Variants in RARB observed in about 807,000 individuals in gnomAD.
RARB encodes the protein HBV-activated protein.
RARB carries 17 observed loss-of-function variants against 51.9 expected under a neutral mutation model. The ratio of observed to expected loss-of-function variants is 0.33; its 90% CI spans 0.22 to 0.49. The LOEUF (loss-of-function observed/expected upper bound fraction) is 0.49. Ranked by LOEUF, RARB falls within the 20% of genes least tolerant of loss-of-function variation. The probability of loss-of-function intolerance (pLI) is 0.99; values close to 1 mark genes in which losing one functional copy is unlikely to be tolerated. For missense variants in RARB, 369 were observed against 550.8 expected, an observed-to-expected ratio of 0.67 and a Z score of 3.30; for synonymous variants, 215 against 195.4, an observed-to-expected ratio of 1.10 and a Z score of -0.84.
chr3:25,147,405 T>C (rs996327903), intron 4 of RARB, among the ~76,000 whole-genome samples: 1 of 152,208 alleles, frequency 6.6e-6, no homozygotes, highest in South Asian at 2.1e-4. Context: ...GGGTGCCCTA[T>C]ACTGCTTAAC....
intron 1 of RARB, among the ~76,000 whole-genome samples, chr3:24,847,499 C>T (rs961067739): frequency 1.6e-4 from 25 of 152,140 alleles, no homozygotes; most frequent in Admixed American, 1.2e-3. Context: ...CAAAGTAAAC[C>T]GTAAACAGTG....
At chr3:25,165,122 A>T (rs1700538653) in intron 4 of RARB, among the ~76,000 whole-genome samples, 1 of 152,170 alleles carries the variant, frequency 6.6e-6, no homozygotes, top group African/African-American at 2.4e-5. Flanking sequence ...AAAAAATACA[A>T]ACCAGTTTCA....
chr3:25,511,139 T>TGG (rs1697871764), intron 3 of RARB, among the ~76,000 whole-genome samples: 1 of 114,162 alleles, frequency 8.8e-6, no homozygotes, highest in Non-Finnish European at 1.6e-5. Flanking sequence ...TTGTTTTGGT[T>TGG]TGTTTTTTTT....
chr3:24,964,092 T>G (rs1050048829), intron 2 of RARB, among the ~76,000 whole-genome samples: 1 of 152,112 alleles, frequency 6.6e-6, no homozygotes, highest in Non-Finnish European at 1.5e-5. Flanking sequence ...CAAAGTCCTT[T>G]CAAGTTGAGT....
At chr3:25,425,641 C>G (rs1039922305), upstream of RARB, among the ~76,000 whole-genome samples, 31 of 152,140 alleles carry the variant, frequency 2.0e-4, no homozygotes, top group Admixed American at 5.2e-4. Flanking sequence ...CATTTTCTTG[C>G]ACAAAGAAAG....
intron 4 of RARB, among the ~76,000 whole-genome samples, chr3:25,146,197 AC>A (rs1700185765): frequency 6.6e-6 from 1 of 152,170 alleles, no homozygotes; most frequent in South Asian, 2.1e-4. Context: ...GAGACAAGGC[AC>A]CCATGTCTTA....
At chr3:25,259,985 C>A in intron 5 of RARB, 4 of 985,316 alleles carry the variant, frequency 4.1e-6, no homozygotes, top group Non-Finnish European at 4.8e-6. Flanking sequence ...CTCAGCCAGC[C>A]TTTTACTCTC....
intron 2 of RARB, among the ~76,000 whole-genome samples, chr3:25,034,035 G>A (rs1056703308): frequency 6.6e-6 from 1 of 152,146 alleles, no homozygotes; most frequent in Non-Finnish European, 1.5e-5. Flanking sequence ...ACTCTTGGCT[G>A]AGCCTGTGTT....
At chr3:25,560,852 T>A (rs1700240029) in intron 3 of RARB, among the ~76,000 whole-genome samples, 1 of 152,230 alleles carries the variant, frequency 6.6e-6, no homozygotes, top group South Asian at 2.1e-4. Flanking sequence ...GAACCCCTCA[T>A]GCTTTATTTG....
At chr3:25,363,214 G>T (rs1366301126) in intron 5 of RARB, among the ~76,000 whole-genome samples, 3 of 152,110 alleles carry the variant, frequency 2.0e-5, no homozygotes, top group Admixed American at 6.5e-5. Flanking sequence ...CACTAGGGAG[G>T]TATAAGCGAA....
intron 2 of RARB, among the ~76,000 whole-genome samples, chr3:24,930,089 T>C (rs975554266): frequency 6.6e-5 from 10 of 152,098 alleles, no homozygotes; most frequent in Non-Finnish European, 1.3e-4. Context: ...GGAAAAATAA[T>C]AGCGGGATTT....
At chr3:25,482,382 G>A (rs1041741786) in intron 2 of RARB, among the ~76,000 whole-genome samples, 2 of 151,994 alleles carry the variant, frequency 1.3e-5, no homozygotes, top group African/African-American at 2.4e-5. Flanking sequence ...AATCATTTTG[G>A]TCAATAGCAG....
At chr3:24,906,103 C>T (rs1156538675) in intron 2 of RARB, among the ~76,000 whole-genome samples, 1 of 152,182 alleles carries the variant, frequency 6.6e-6, no homozygotes, top group African/African-American at 2.4e-5. Context: ...AAAGTCGAGA[C>T]AGCCAATAAG....
At chr3:25,550,363 T>A (rs1305056721) in intron 3 of RARB, among the ~76,000 whole-genome samples, 1 of 152,110 alleles carries the variant, frequency 6.6e-6, no homozygotes, top group East Asian at 1.9e-4. Context: ...GAAATTTATT[T>A]CTCCCAGTTC....
intron 2 of RARB, among the ~76,000 whole-genome samples, chr3:25,485,410 A>G (rs193278850): frequency 1.9e-3 from 290 of 152,336 alleles, no homozygotes; most frequent in African/African-American, 6.6e-3. Flanking sequence ...TGCCAGCCTC[A>G]TCTCAGAGAG....
At chr3:24,859,905 C>T (rs1702714580) in intron 2 of RARB, among the ~76,000 whole-genome samples, 1 of 152,056 alleles carries the variant, frequency 6.6e-6, no homozygotes, top group African/African-American at 2.4e-5. Context: ...ATATTATTCT[C>T]AGGTGTTGTA....
intron 5 of RARB, among the ~76,000 whole-genome samples, chr3:25,403,855 C>A (rs1382633359): frequency 2.4e-5 from 2 of 83,422 alleles, no homozygotes; most frequent in African/African-American, 9.1e-5. Context: ...AAAAAAGATG[C>A]CAAGTGTCAC....
chr3:24,970,526 G>A (rs1369848708), intron 2 of RARB, among the ~76,000 whole-genome samples: 2 of 151,150 alleles, frequency 1.3e-5, no homozygotes, highest in Non-Finnish European at 3.0e-5. Context: ...ACCGGAAAAT[G>A]TATCAGATCA....
chr3:25,014,806 CT>C (rs1697472947), intron 2 of RARB, among the ~76,000 whole-genome samples: 1 of 151,828 alleles, frequency 6.6e-6, no homozygotes, highest in Non-Finnish European at 1.5e-5. Flanking sequence ...CTGTGTGGCC[CT>C]GAAGGAAATA....
Sources: gnomAD v4.1 joint callset for allele counts (sites outside exome capture counted in the v4.1 genomes callset) on GRCh38, gnomAD v4.1.1 for gene constraint, MANE v1.5 for transcripts, NCBI Gene and HGNC (gene_info 2026-07-23, HGNC 2026-07-21) for gene names.